SLC60A2: variants seen among roughly 807,000 people sequenced by gnomAD.
SLC60A2 encodes the protein major facilitator superfamily domain containing 4B.
At chr6:111,272,486 T>TAGAACACC in the SLC60A2 span, among the ~76,000 whole-genome samples, 1 of 151,742 alleles carries the variant, frequency 6.6e-6, no homozygotes, top group African/African-American at 2.4e-5. Flanking sequence ...TGTTGAACAC[T>TAGAACACC]AGAACTTCTT....
the SLC60A2 span, among the ~76,000 whole-genome samples, chr6:111,261,663 G>A: frequency 4.6e-5 from 7 of 152,008 alleles, no homozygotes; most frequent in East Asian, 1.4e-3. Context: ...GTGCAGTCTC[G>A]GCTCACTGCA....
the SLC60A2 span, chr6:111,278,515 G>A: frequency 3.3e-5 from 5 of 152,148 alleles, no homozygotes; most frequent in African/African-American, 1.2e-4. Context: ...GACCTGGTGG[G>A]AGGTAACTAA....
At chr6:111,271,875 C>T in the SLC60A2 span, among the ~76,000 whole-genome samples, 7 of 144,814 alleles carry the variant, frequency 4.8e-5, no homozygotes, top group Non-Finnish European at 7.5e-5. Flanking sequence ...GGCTGAGGCA[C>T]GAGAATCACT....
At chr6:111,267,377 TG>T in the SLC60A2 span, 5 of 361,572 alleles carry the variant, frequency 1.4e-5, no homozygotes, top group African/African-American at 8.3e-5. Flanking sequence ...AAATATTTTA[TG>T]GTCTCCACCC....
At chr6:111,269,454 C>T in the SLC60A2 span, 2 of 152,280 alleles carry the variant, frequency 1.3e-5, no homozygotes, top group African/African-American at 2.4e-5. Flanking sequence ...CCCACCTCAG[C>T]CTCCCAAAGT....
chr6:111,267,048 TCTC>T, the SLC60A2 span: 6 of 1,614,204 alleles, frequency 3.7e-6, no homozygotes, highest in Non-Finnish European at 5.1e-6. Context: ...GTTTGAGTCT[TCTC>T]CTTTTAATAC....
chr6:111,265,440 A>G, the SLC60A2 span: 1 of 976,088 alleles, frequency 1.0e-6, no homozygotes, highest in Non-Finnish European at 1.2e-6. Flanking sequence ...ATACATAAGT[A>G]AGTAATTTTC....
the SLC60A2 span, among the ~76,000 whole-genome samples, chr6:111,275,430 T>G: frequency 6.8e-6 from 1 of 146,180 alleles, no homozygotes; most frequent in Admixed American, 6.9e-5. Flanking sequence ...TTTTTTTTAA[T>G]ATGGAGTCTT....
At chr6:111,260,742 G>A in the SLC60A2 span, among the ~76,000 whole-genome samples, 1,142 of 152,296 alleles carry the variant, frequency 7.5e-3, 17 homozygotes, top group African/African-American at 0.026. Flanking sequence ...ATTGGGGGCG[G>A]TGGGGAGGGG....
the SLC60A2 span, chr6:111,267,297 A>G: frequency 3.5e-6 from 2 of 573,940 alleles, no homozygotes; most frequent in Non-Finnish European, 3.0e-6. Flanking sequence ...TCCATAAATA[A>G]CCAAATGGTC....
the SLC60A2 span, chr6:111,266,145 T>G: frequency 1.2e-6 from 2 of 1,613,036 alleles, no homozygotes; most frequent in African/African-American, 1.3e-5. Context: ...TTACATGTTC[T>G]TAGTTTCTGT....
the SLC60A2 span, chr6:111,259,780 C>T: frequency 5.9e-6 from 9 of 1,524,090 alleles, no homozygotes; most frequent in Non-Finnish European, 8.0e-6. Flanking sequence ...GTCTTGCCTT[C>T]GCCACTTGCA....
chr6:111,266,918 G>A, the SLC60A2 span: 1 of 1,614,032 alleles, frequency 6.2e-7, no homozygotes, highest in Non-Finnish European at 8.5e-7. Flanking sequence ...GGAATGAAAT[G>A]GATTTTGAAA....
At chr6:111,264,742 C>T in the SLC60A2 span, among the ~76,000 whole-genome samples, 2 of 144,660 alleles carry the variant, frequency 1.4e-5, no homozygotes, top group East Asian at 4.2e-4. Context: ...GAGCAGAGAT[C>T]ACACCACTGC....
the SLC60A2 span, chr6:111,266,807 G>C: frequency 6.2e-7 from 1 of 1,613,862 alleles, no homozygotes; most frequent in Non-Finnish European, 8.5e-7. Context: ...TTGATCGCCA[G>C]CGAAAAGAAG....
chr6:111,276,346 G>A, the SLC60A2 span, among the ~76,000 whole-genome samples: 3 of 152,084 alleles, frequency 2.0e-5, no homozygotes, highest in South Asian at 2.1e-4. Context: ...TTGTGTTTGT[G>A]TTTTTTGTCT....
chr6:111,273,995 C>T, the SLC60A2 span, among the ~76,000 whole-genome samples: 1 of 150,576 alleles, frequency 6.6e-6, no homozygotes, highest in Non-Finnish European at 1.5e-5. Context: ...GCTGAAATTA[C>T]AGGCATGAGC....
chr6:111,274,954 C>T, the SLC60A2 span, among the ~76,000 whole-genome samples: 1 of 151,994 alleles, frequency 6.6e-6, no homozygotes, highest in South Asian at 2.1e-4. Flanking sequence ...ACAGGATCTC[C>T]CTCTATTGCC....
At chr6:111,271,343 T>C in the SLC60A2 span, among the ~76,000 whole-genome samples, 1 of 151,872 alleles carries the variant, frequency 6.6e-6, no homozygotes, top group Non-Finnish European at 1.5e-5. Context: ...CTTTTTATTA[T>C]AAAAACAATA....
Sources: allele counts gnomAD v4.1 joint callset (sites outside exome capture counted in the v4.1 genomes callset), GRCh38; gene constraint gnomAD v4.1.1; transcripts MANE v1.5; gene names NCBI Gene and HGNC (gene_info 2026-07-23, HGNC 2026-07-21).